EXOC6: variants seen among roughly 807,000 people sequenced by gnomAD.
EXOC6 encodes the protein SEC15-like 1.
EXOC6 carries 60 observed loss-of-function variants against 112.5 expected under a neutral mutation model. The ratio of observed to expected loss-of-function variants is 0.53; its 90% CI spans 0.43 to 0.66. The LOEUF (loss-of-function observed/expected upper bound fraction) is 0.66, where lower values mean the gene tolerates loss of function less well. EXOC6 is among the 30% of genes least tolerant of loss of function. The pLI is 0.00. For missense variants in EXOC6, 855 were observed against 957.1 expected, an observed-to-expected ratio of 0.89 and a Z score of 1.41; for synonymous variants, 295 against 308.0, an observed-to-expected ratio of 0.96 and a Z score of 0.44.
At chr10:93,038,437 CAGTT>C (rs1248505598) in intron 20 of EXOC6, among the ~76,000 whole-genome samples, 2 of 152,162 alleles carry the variant, frequency 1.3e-5, no homozygotes, top group African/African-American at 4.8e-5. Flanking sequence ...ATTGTTTAAG[CAGTT>C]AATTTATAAA....
At chr10:92,896,165 ATATATATATATATATATTTTTTTTTT>A (rs1849784782) in intron 4 of EXOC6, among the ~76,000 whole-genome samples, 1 of 22,170 alleles carries the variant, frequency 4.5e-5, no homozygotes, top group African/African-American at 2.3e-4. Context: ...ATATATATAT[ATATATATATATATATATTTTTTTTTT>A]TTTTTTTTTT....
intron 1 of EXOC6, among the ~76,000 whole-genome samples, chr10:92,864,924 A>G (rs913158962): frequency 6.6e-6 from 1 of 152,120 alleles, no homozygotes; most frequent in Non-Finnish European, 1.5e-5. Context: ...TAAATCTTTT[A>G]TATGTCTTTA....
intron 18 of EXOC6, among the ~76,000 whole-genome samples, chr10:92,974,636 C>T (rs1294289747): frequency 1.3e-5 from 2 of 151,894 alleles, no homozygotes; most frequent in Non-Finnish European, 2.9e-5. Flanking sequence ...CACTGTACTG[C>T]TGCCATCTCG....
chr10:92,864,051 T>G (rs1848048724), intron 1 of EXOC6, among the ~76,000 whole-genome samples: 1 of 152,100 alleles, frequency 6.6e-6, no homozygotes, highest in South Asian at 2.1e-4. Context: ...ATAACTTGAT[T>G]GTGAAGAACC....
chr10:92,929,500 C>T (rs146860081), intron 9 of EXOC6, among the ~76,000 whole-genome samples: 8 of 151,962 alleles, frequency 5.3e-5, no homozygotes, highest in African/African-American at 1.9e-4. Context: ...GAGTGAGAAT[C>T]GTAAGAAATA....
intron 1 of EXOC6, among the ~76,000 whole-genome samples, chr10:92,853,532 G>A (rs554600082): frequency 1.3e-5 from 2 of 152,172 alleles, no homozygotes; most frequent in Non-Finnish European, 2.9e-5. Context: ...TGTGGTACTA[G>A]CATCAAGATA....
chr10:93,003,735 T>C (rs1388320666), intron 19 of EXOC6, among the ~76,000 whole-genome samples: 1 of 152,158 alleles, frequency 6.6e-6, no homozygotes, highest in African/African-American at 2.4e-5. Context: ...ATAGAATATG[T>C]ATTATGTGTA....
intron 20 of EXOC6, among the ~76,000 whole-genome samples, chr10:93,038,040 CAAAAAAAAAAAAAA>C (rs1156726278): frequency 1.9e-4 from 5 of 26,580 alleles, no homozygotes; most frequent in Non-Finnish European, 2.7e-4. Flanking sequence ...ACTCCGTCTC[CAAAAAAAAAAAAAA>C]AAAAAAAAAA....
intron 4 of EXOC6, among the ~76,000 whole-genome samples, chr10:92,895,859 CTTT>C (rs34229333): frequency 1.4e-4 from 17 of 122,184 alleles, no homozygotes; most frequent in Admixed American, 2.5e-4. Flanking sequence ...CACACCCGGC[CTTT>C]TTTTTTTTTT....
At chr10:93,037,004 G>A (rs1487956235) in intron 20 of EXOC6, among the ~76,000 whole-genome samples, 1 of 152,114 alleles carries the variant, frequency 6.6e-6, no homozygotes, top group African/African-American at 2.4e-5. Context: ...ATGGAGGGTA[G>A]TGATATTCTG....
intron 15 of EXOC6, among the ~76,000 whole-genome samples, chr10:92,953,261 T>G (rs916428897): frequency 1.3e-5 from 2 of 152,040 alleles, no homozygotes; most frequent in African/African-American, 4.8e-5. Context: ...GTATTTTTAG[T>G]GGAGATGAGG....
chr10:92,892,471 A>G (rs962845667), intron 1 of EXOC6, among the ~76,000 whole-genome samples: 2 of 152,246 alleles, frequency 1.3e-5, no homozygotes, highest in African/African-American at 4.8e-5. Context: ...CTGACTACCC[A>G]TGTAGACTTG....
chr10:92,928,617 A>G (rs1029979235), intron 9 of EXOC6, among the ~76,000 whole-genome samples, 195 bp downstream of exon 9: 5 of 151,944 alleles, frequency 3.3e-5, no homozygotes, highest in Admixed American at 1.3e-4. Flanking sequence ...TCATGAGCTT[A>G]CATTCTATTA....
chr10:92,985,834 A>G (rs1481855596), intron 18 of EXOC6, among the ~76,000 whole-genome samples: 3 of 152,190 alleles, frequency 2.0e-5, no homozygotes, highest in African/African-American at 7.2e-5. Flanking sequence ...CAACAGTACA[A>G]TCATGGCTTT....
At chr10:92,986,467 C>T (rs1483566190) in intron 18 of EXOC6, among the ~76,000 whole-genome samples, 5 of 151,784 alleles carry the variant, frequency 3.3e-5, no homozygotes, top group Non-Finnish European at 7.4e-5. Flanking sequence ...ATTAGGTTGA[C>T]CAGCCTGGCT....
intron 18 of EXOC6, among the ~76,000 whole-genome samples, chr10:92,990,368 C>G (rs61862346): frequency 0.014 from 2,181 of 152,150 alleles, 22 homozygotes; most frequent in Non-Finnish European, 0.017. Flanking sequence ...TAAATATTTT[C>G]CTGATGTCAA....
chr10:92,922,005 G>T (rs1238134049), intron 8 of EXOC6, among the ~76,000 whole-genome samples: 1 of 151,938 alleles, frequency 6.6e-6, no homozygotes, highest in African/African-American at 2.4e-5. Context: ...GAATGCAGTG[G>T]TGCCATCTTG....
intron 17 of EXOC6, among the ~76,000 whole-genome samples, chr10:92,957,076 A>G (rs1853732372): frequency 2.0e-5 from 3 of 152,174 alleles, no homozygotes; most frequent in Admixed American, 2.0e-4. Flanking sequence ...GTATGATAAT[A>G]TAGGAGGAGA....
chr10:93,029,861 C>CAA (rs1845193000), intron 20 of EXOC6, among the ~76,000 whole-genome samples: 1 of 151,100 alleles, frequency 6.6e-6, no homozygotes, highest in African/African-American at 2.4e-5. Context: ...TTCAATTGAC[C>CAA]TAGCATCATT....
Sources: allele counts gnomAD v4.1 joint callset (sites outside exome capture counted in the v4.1 genomes callset), GRCh38; gene constraint gnomAD v4.1.1; transcripts MANE v1.5; gene names NCBI Gene and HGNC (gene_info 2026-07-23, HGNC 2026-07-21).